FRMD3: variants seen among roughly 807,000 people sequenced by gnomAD.
FRMD3 encodes the protein FERM domain containing 3.
FRMD3 carries 33 observed loss-of-function variants against 70.2 expected under a neutral mutation model. The ratio of observed to expected loss-of-function variants is 0.47; its 90% CI spans 0.36 to 0.63. The LOEUF is 0.63. Among genes scored for constraint, FRMD3 ranks in the 20% least tolerant of loss-of-function variants. The pLI is 0.00. For synonymous variants in FRMD3, 279 were observed against 255.9 expected (o/e 1.09, Z -0.86); for missense variants, 632 against 711.4 (o/e 0.89, Z 1.27).
chr9:83,541,125 G>A (rs1829994680), upstream of FRMD3, among the ~76,000 whole-genome samples: 1 of 152,168 alleles, frequency 6.6e-6, no homozygotes. Context: ...GGAAAGGGAA[G>A]CCGATCTCCT....
intron 13 of FRMD3, among the ~76,000 whole-genome samples, chr9:83,260,013 T>C (rs554101620): frequency 6.6e-6 from 1 of 152,310 alleles, no homozygotes; most frequent in East Asian, 1.9e-4. Flanking sequence ...CACGGCTATC[T>C]GAACAACATT....
chr9:83,345,497 C>T (rs10117988), intron 4 of FRMD3, among the ~76,000 whole-genome samples: 60 of 152,246 alleles, frequency 3.9e-4, no homozygotes, highest in African/African-American at 1.4e-3. Flanking sequence ...GTGGCTCAAG[C>T]CTGTAATCCC....
intron 1 of FRMD3, among the ~76,000 whole-genome samples, chr9:83,403,015 T>A (rs953433905): frequency 6.7e-6 from 1 of 149,144 alleles, no homozygotes; most frequent in Non-Finnish European, 1.5e-5. Context: ...GCGATTCTCC[T>A]GTCTTAGCCT....
At chr9:83,412,211 T>C (rs1019028671) in intron 1 of FRMD3, among the ~76,000 whole-genome samples, 2 of 152,246 alleles carry the variant, frequency 1.3e-5, no homozygotes, top group African/African-American at 2.4e-5. Flanking sequence ...ATACGTGTTG[T>C]TGTGTGAACA....
intron 8 of FRMD3, among the ~76,000 whole-genome samples, chr9:83,310,912 C>G (rs1398832257): frequency 2.0e-5 from 3 of 152,132 alleles, no homozygotes; most frequent in African/African-American, 7.2e-5. Context: ...TGAAATGATG[C>G]GGATTCACAG....
intron 3 of FRMD3, 124 bp from the exon 4 acceptor site, chr9:83,349,881 A>G (rs1587755737): frequency 1.9e-6 from 1 of 525,774 alleles, no homozygotes; most frequent in Non-Finnish European, 3.4e-6. Flanking sequence ...GGAGGGGGTG[A>G]TTGTTTTGGA....
the FRMD3 span, among the ~76,000 whole-genome samples, chr9:83,553,139 C>T: frequency 6.6e-6 from 1 of 152,174 alleles, no homozygotes; most frequent in Non-Finnish European, 1.5e-5. Context: ...TTTAGTGCTC[C>T]TTTCAAGATC....
intron 12 of FRMD3, among the ~76,000 whole-genome samples, chr9:83,296,502 T>C (rs1834667586): frequency 6.6e-6 from 1 of 152,114 alleles, no homozygotes; most frequent in South Asian, 2.1e-4. Flanking sequence ...CTCCAAGAGG[T>C]TGCTTTGTAG....
At chr9:83,339,971 A>T (rs1048288619) in intron 5 of FRMD3, among the ~76,000 whole-genome samples, 1 of 152,206 alleles carries the variant, frequency 6.6e-6, no homozygotes, top group African/African-American at 2.4e-5. Flanking sequence ...TAAACGTTAA[A>T]TGGTTGTGAC....
At chr9:83,466,357 T>G (rs995309281) in intron 1 of FRMD3, among the ~76,000 whole-genome samples, 3 of 152,240 alleles carry the variant, frequency 2.0e-5, no homozygotes, top group Non-Finnish European at 4.4e-5. Flanking sequence ...CAACAAAGAC[T>G]GCCTACCAGG....
At chr9:83,408,572 C>T (rs1225337546) in intron 1 of FRMD3, among the ~76,000 whole-genome samples, 1 of 152,190 alleles carries the variant, frequency 6.6e-6, no homozygotes, top group Non-Finnish European at 1.5e-5. Context: ...TTTCCAGCTA[C>T]CCCAGGGGGA....
chr9:83,532,449 C>T (rs75618162), intron 1 of FRMD3, among the ~76,000 whole-genome samples: 2,963 of 152,266 alleles, frequency 0.019, 102 homozygotes, highest in African/African-American at 0.066. Flanking sequence ...TCATAATTTT[C>T]CTTGTTCTAG....
chr9:83,504,843 A>C (rs1196029315), intron 1 of FRMD3, among the ~76,000 whole-genome samples: 7 of 152,194 alleles, frequency 4.6e-5, no homozygotes, highest in Admixed American at 2.6e-4. Flanking sequence ...TGTTGTTTAC[A>C]TCTGTATTTC....
At chr9:83,264,900 T>C (rs1833167947) in intron 13 of FRMD3, among the ~76,000 whole-genome samples, 2 of 151,582 alleles carry the variant, frequency 1.3e-5, no homozygotes, top group South Asian at 4.2e-4. Flanking sequence ...AAAAATTAGA[T>C]ACCACGTGAA....
chr9:83,283,259 G>A lies in FRMD3; in HGVS notation c.1195+7344C>T, dbSNP rs186990887. Among the ~76,000 whole-genome samples, 5 of 152,066 alleles carry A rather than the reference G, an allele frequency of 3.3e-5. No homozygotes were observed. The East Asian group carries it at 5.8e-4, about 18-fold the overall frequency. On this transcript the variant is annotated intron_variant, in intron 13 of 13. Coordinates refer to ENST00000304195, the MANE Select transcript of FRMD3 (RefSeq NM_174938.6). The stretch of plus-strand genomic sequence containing the variant: ...AATCCAATAGGTGTTGGCCGGGCGC[G>A]GTGGTTCACGCCTGTAATCCCAGCA...
intron 1 of FRMD3, among the ~76,000 whole-genome samples, chr9:83,417,111 A>C (rs1826480725): frequency 6.6e-6 from 1 of 152,184 alleles, no homozygotes; most frequent in South Asian, 2.1e-4. Context: ...AATATAACAC[A>C]ATCATATATT....
chr9:83,484,939 A>G (rs1042380636), intron 1 of FRMD3, among the ~76,000 whole-genome samples: 1 of 152,232 alleles, frequency 6.6e-6, no homozygotes, highest in Non-Finnish European at 1.5e-5. Flanking sequence ...AACATAATAG[A>G]AAGTCCACTT....
intron 1 of FRMD3, among the ~76,000 whole-genome samples, chr9:83,523,956 G>A (rs1829633628): frequency 6.6e-6 from 1 of 152,166 alleles, no homozygotes; most frequent in East Asian, 1.9e-4. Flanking sequence ...CCTTGATAAG[G>A]TTCCAGGTGG....
At chr9:83,557,142 A>G in the FRMD3 span, among the ~76,000 whole-genome samples, 31 of 152,298 alleles carry the variant, frequency 2.0e-4, no homozygotes, top group Non-Finnish European at 3.7e-4. Context: ...TGAATTACCA[A>G]TTAGGTAATT....
Sources: gnomAD v4.1 joint callset for allele counts (sites outside exome capture counted in the v4.1 genomes callset) on GRCh38, gnomAD v4.1.1 for gene constraint, MANE v1.5 for transcripts, NCBI Gene and HGNC (gene_info 2026-07-23, HGNC 2026-07-21) for gene names.